Variants in NFIC observed in about 807,000 individuals in gnomAD.
The protein encoded by NFIC is nuclear factor 1 C-type.
A neutral mutation model predicts 54.4 loss-of-function variants in NFIC; 12 were observed. That is an observed-to-expected ratio of 0.22 (90% CI 0.14 to 0.36). The LOEUF (loss-of-function observed/expected upper bound fraction) is 0.36. Ranked by LOEUF, NFIC falls within the 10% of genes least tolerant of loss-of-function variation. The pLI is 1.00. For missense variants in NFIC, 575 were observed against 718.2 expected, an observed-to-expected ratio of 0.80 and a Z score of 2.28; for synonymous variants, 322 against 319.2, an observed-to-expected ratio of 1.01 and a Z score of -0.09.
At position 3,469,054 on chromosome 19, in the gene NFIC, A is replaced by G. The variant is rs1043445663; in HGVS notation, c.*6285A>G. ...GCGCCTACCTAAGTACCATTTACAGAAAGTGACTCTGGCTGTCATTATTTT... is the reference window on the plus strand; with the variant it reads ...GCGCCTACCTAAGTACCATTTACAGGAAGTGACTCTGGCTGTCATTATTTT... On this transcript the variant is annotated 3_prime_UTR_variant, in exon 11 of 11. Coordinates refer to ENST00000443272, the MANE Select transcript of NFIC (RefSeq NM_001245002.2). The G allele has an allele frequency of 2.6e-5, 4 of 152,122 alleles. No homozygotes were observed. Among genetic ancestry groups the G allele is most frequent in the Non-Finnish European group, 5.9e-5 (4 of 68,026 alleles). 9.4% of individuals were successfully genotyped at this position (152,122 alleles called of 1,614,324 possible).
chr19:3,382,330 G>A, intron 2 of NFIC, 87 bp downstream of exon 2: 1 of 1,521,352 alleles, frequency 6.6e-7, no homozygotes, highest in South Asian at 1.2e-5. Context: ...GAGGGAGGAG[G>A]CCAGTGCGTG....
In NFIC at chr19:3,456,644, C is replaced by G. The variant is rs763177472; in HGVS notation, c.1509+9C>G. ...GCATTTATCAGGCACAGGTAGGGGC[C>G]GAGAGGCCGGCTGGTGGGGTGGGAG... On this transcript the variant is annotated intron_variant, in intron 10 of 10. Transcript: ENST00000443272. 1.4e-6 allele frequency: 2 copies of G among 1,480,330 alleles called. No individual in the cohort carries two copies. Among genetic ancestry groups the G allele is most frequent in the Non-Finnish European group, 1.8e-6 (2 of 1,092,282 alleles). 91.7% of individuals were successfully genotyped at this position (1,480,330 alleles called of 1,614,324 possible).
rs1378102963 is a variant in NFIC, at chr19:3,449,139, G to T, written c.1084G>T (p.Gly362Trp). 6.2e-7 allele frequency: 1 copy of T among 1,611,382 alleles called. No homozygotes were observed. The stretch of plus-strand genomic sequence containing the variant: ...CCGGCCCGTCATCGCCGTGCACAGC[G>T]GTAAGCGCCACGGGCCCCTGGCGGG... ...HHRPVIAVHSGIARSPHPSSA... is the reference protein window; with the variant it reads ...HHRPVIAVHSWIARSPHPSSA... The change falls in exon 7 of 11, where the codon GGG becomes TGG. Residue 362 changes from glycine to tryptophan, a missense_variant and splice_region_variant. Gly to Trp is a radical substitution (Grantham distance 184, BLOSUM62 -2). This residue lies in a region of NFIC where 447 missense variants were observed against 526.9 expected (regional missense o/e 0.85). Coordinates refer to ENST00000443272, the MANE Select transcript of NFIC (RefSeq NM_001245002.2).
upstream of NFIC, among the ~76,000 whole-genome samples, chr19:3,364,746 G>A (rs911347883): frequency 1.6e-4 from 24 of 152,180 alleles, no homozygotes; most frequent in African/African-American, 5.3e-4. Context: ...AGGCAGGGTG[G>A]TCTGTACAGG....
intron 2 of NFIC, among the ~76,000 whole-genome samples, chr19:3,422,013 C>T (rs1386312424): frequency 3.3e-5 from 5 of 152,044 alleles, no homozygotes; most frequent in African/African-American, 7.2e-5. Flanking sequence ...CTTGGCTCAC[C>T]GCAACCTCCG....
At chr19:3,448,757 G>A (rs570948304) in intron 6 of NFIC, among the ~76,000 whole-genome samples, 1 of 152,290 alleles carries the variant, frequency 6.6e-6, no homozygotes, top group Admixed American at 6.5e-5. Flanking sequence ...CAAGGGCCAG[G>A]AGCGAGGCCC....
intron 10 of NFIC, among the ~76,000 whole-genome samples, chr19:3,462,103 T>G (rs2082649603): frequency 6.7e-6 from 1 of 149,818 alleles, no homozygotes; most frequent in Non-Finnish European, 1.5e-5. Context: ...AGTTCCAGAC[T>G]GGGAGTGCTG....
Position 3,369,557 on chromosome 19 carries a change from G to A in NFIC, c.30+2891G>A, listed in dbSNP as rs556834262. On this transcript the variant is annotated intron_variant, in intron 1 of 10. Coordinates refer to ENST00000443272, the MANE Select transcript of NFIC (RefSeq NM_001245002.2). This position sits in a 1 kb window ranked among gnomAD's most constrained non-coding sequence, Gnocchi z 4.3. ...GGTGCCAGCCCGCTCTGTGCCACCC[G>A]GGCCCGGCCCGCCGAGTGGGGAGTG... Among the ~76,000 whole-genome samples the A allele has an allele frequency of 2.0e-5, 3 of 152,288 alleles. No homozygotes were observed. The highest frequency in any genetic ancestry group is 6.5e-5 in the Admixed American group (1 of 15,308).
chr19:3,446,268 A>G (rs1416608559), intron 6 of NFIC, among the ~76,000 whole-genome samples: 2 of 152,196 alleles, frequency 1.3e-5, no homozygotes, highest in Non-Finnish European at 2.9e-5. Context: ...GCAGAGGATC[A>G]TGGGACATAG....
chr19:3,429,739 C>T lies in NFIC; in HGVS notation c.635-3779C>T, dbSNP rs573763203. Among the ~76,000 whole-genome samples the T allele has an allele frequency of 3.2e-4, 49 of 152,282 alleles. 1 individual carries two copies. The highest frequency in any genetic ancestry group is 6.2e-4 in the South Asian group (3 of 4,822). ...CCACCCAAAAGCCAAGAGCCTGTCC[C>T]ACCTCCAAACCTACCAGGCTCCCTG... On this transcript the variant is annotated intron_variant, in intron 3 of 10. Coordinates refer to ENST00000443272, the MANE Select transcript of NFIC (RefSeq NM_001245002.2).
chr19:3,372,788 C>T (rs1336730983), intron 1 of NFIC, among the ~76,000 whole-genome samples: 1 of 151,330 alleles, frequency 6.6e-6, no homozygotes, highest in East Asian at 1.9e-4. Flanking sequence ...TGGAAGATTT[C>T]ATGCCTCAGT....
In NFIC at chr19:3,463,700, G is replaced by A; in HGVS notation, c.*931G>A. On this transcript the variant is annotated 3_prime_UTR_variant, in exon 11 of 11. Coordinates refer to ENST00000443272, the MANE Select transcript of NFIC (RefSeq NM_001245002.2). ...ACCCCCAAAGGGAGGGACCCACATT[G>A]CACACACTGTAAGAAATGCACTTTC... The A allele has an allele frequency of 2.1e-6, 2 of 974,658 alleles. No homozygotes were observed. The highest frequency in any genetic ancestry group is 2.4e-6 in the Non-Finnish European group (2 of 828,540). The allele number at this position is 974,658 out of a possible 1,614,324, so 60.4% of individuals were successfully genotyped here. A position where few individuals can be genotyped will look rare whatever the true frequency, so the allele number is the denominator to read the frequency against.
At chr19:3,419,798 C>CA (rs34788531) in intron 2 of NFIC, among the ~76,000 whole-genome samples, 3,295 of 139,098 alleles carry the variant, frequency 0.024, 147 homozygotes, top group African/African-American at 0.084. Context: ...TACTCTGTTC[C>CA]AAAAAAAAAA....
rs765457248 is a variant in NFIC at position 3,452,622 on chromosome 19, C to T, written c.1225C>T (p.Leu409Phe). The part of the protein sequence containing the change: ...HLNPQDPLKD[L>F]VSLACDPASQ... ...CAACCCCCAGGACCCGCTCAAAGAT[C>T]TTGTCTCGCTGGCCTGCGACCCAGC... The change falls in exon 8 of 11, where the codon CTT (leucine) becomes TTT (phenylalanine). Residue 409 changes from leucine to phenylalanine, a missense_variant. Leu to Phe is a conservative substitution (Grantham distance 22, BLOSUM62 0). Transcript: ENST00000443272. This position sits in a 1 kb window ranked among gnomAD's most constrained non-coding sequence, Gnocchi z 5.3. 1.2e-6 allele frequency: 2 copies of T among 1,613,248 alleles called. No homozygotes were observed. Among genetic ancestry groups the T allele is most frequent in the Admixed American group, 3.3e-5 (2 of 59,964 alleles).
intron 10 of NFIC, among the ~76,000 whole-genome samples, chr19:3,461,732 TAATA>T (rs1440885337): frequency 6.7e-6 from 1 of 148,866 alleles, no homozygotes; most frequent in Non-Finnish European, 1.5e-5. Flanking sequence ...CATAAATAAA[TAATA>T]AATAGAGAAG....
Position 3,463,101 on chromosome 19 carries a change from G to A in NFIC, c.*332G>A, listed in dbSNP as rs1168978683. On this transcript the variant is annotated 3_prime_UTR_variant, in exon 11 of 11. Coordinates refer to ENST00000443272, the MANE Select transcript of NFIC (RefSeq NM_001245002.2). ...CCCCACGGGAGACCCGGGACAGGGC[G>A]TCTTCCTAAGTTATTCATCTCCTCT... 1.6e-6 allele frequency: 2 copies of A among 1,242,912 alleles called. No individual in the cohort carries two copies. The highest frequency in any genetic ancestry group is 2.1e-5 in the South Asian group (1 of 47,680). The allele number at this position is 1,242,912 out of a possible 1,614,324, so 77.0% of individuals were successfully genotyped here.
At position 3,463,168 on chromosome 19, in the gene NFIC, G is replaced by C; in HGVS notation, c.*399G>C. Reference sequence around the variant, plus strand: ...AAGGACAGACGCCGGCCGCCCGCCCGCGCCCCGGAGGCCCTGGCTCTGTCC... The same window carrying C: ...AAGGACAGACGCCGGCCGCCCGCCCCCGCCCCGGAGGCCCTGGCTCTGTCC... On this transcript the variant is annotated 3_prime_UTR_variant, in exon 11 of 11. Transcript: ENST00000443272. The C allele has an allele frequency of 9.3e-7, 1 of 1,076,698 alleles. No homozygotes were observed. Among genetic ancestry groups the C allele is most frequent in the South Asian group, 2.8e-5 (1 of 35,104 alleles). The allele number at this position is 1,076,698 out of a possible 1,614,324, so 66.7% of individuals were successfully genotyped here.
chr19:3,446,803 A>T (rs2082379362), intron 6 of NFIC, among the ~76,000 whole-genome samples: 1 of 151,876 alleles, frequency 6.6e-6, no homozygotes, highest in Admixed American at 6.6e-5. Context: ...AGACCAAGGC[A>T]AGAGGATCCC....
chr19:3,431,183 C>T (rs2082114768), intron 3 of NFIC, among the ~76,000 whole-genome samples: 1 of 151,268 alleles, frequency 6.6e-6, no homozygotes, highest in African/African-American at 2.4e-5. Flanking sequence ...GCCACCATGC[C>T]CGGCTAATTT....
Sources: allele counts gnomAD v4.1 joint callset (sites outside exome capture counted in the v4.1 genomes callset), GRCh38; gene constraint gnomAD v4.1.1; regional missense constraint gnomAD v4.1.1; non-coding constraint Gnocchi (gnomAD v3.1); transcripts MANE v1.5; gene names NCBI Gene and HGNC (gene_info 2026-07-23, HGNC 2026-07-21).